C12orf42: variants seen among roughly 807,000 people sequenced by gnomAD.
C12orf42 encodes the protein chromosome 12 open reading frame 42.
In C12orf42, 25 loss-of-function variants were observed where a neutral mutation model predicts 21.6. The observed-to-expected ratio is 1.16, with a 90% confidence interval of 0.84 to 1.62. The LOEUF (loss-of-function observed/expected upper bound fraction) is 1.62, where lower values mean the gene tolerates loss of function less well. Among genes scored for constraint, C12orf42 ranks in the 40% most tolerant of loss-of-function variants. The pLI, the probability that C12orf42 is intolerant of heterozygous loss-of-function variation, is 0.00. For synonymous variants in C12orf42, 174 were observed against 175.0 expected (o/e 0.99, Z 0.05); for missense variants, 483 against 459.3 (o/e 1.05, Z -0.47).
intron 4 of C12orf42, among the ~76,000 whole-genome samples, chr12:103,332,956 C>T (rs2041371366): frequency 6.6e-6 from 1 of 152,148 alleles, no homozygotes; most frequent in African/African-American, 2.4e-5. Context: ...CTGTGTAACA[C>T]ATAAGTCGAA....
chr12:103,124,531 C>CACAGAGTGGGAACG, the C12orf42 span, among the ~76,000 whole-genome samples: 2 of 152,072 alleles, frequency 1.3e-5, no homozygotes, highest in African/African-American at 4.8e-5. Context: ...AGGGCCTGGT[C>CACAGAGTGGGAACG]ACAGAGTGGG....
the C12orf42 span, among the ~76,000 whole-genome samples, chr12:103,219,644 A>G: frequency 6.6e-6 from 1 of 152,258 alleles, no homozygotes; most frequent in Admixed American, 6.5e-5. Flanking sequence ...TATGTGGCCA[A>G]CAAACATATG....
At chr12:103,376,739 C>T (rs1167557109) in intron 3 of C12orf42, among the ~76,000 whole-genome samples, 2 of 152,106 alleles carry the variant, frequency 1.3e-5, no homozygotes, top group Admixed American at 1.3e-4. Flanking sequence ...ATTGAAATAA[C>T]ATTATAACAA....
chr12:103,526,239 A>T, the C12orf42 span, among the ~76,000 whole-genome samples: 11 of 152,362 alleles, frequency 7.2e-5, no homozygotes, highest in South Asian at 2.1e-3. Flanking sequence ...AAGAAATAAT[A>T]TAATCTTCAG....
chr12:103,429,912 G>A (rs935071980), intron 2 of C12orf42, among the ~76,000 whole-genome samples: 1 of 152,136 alleles, frequency 6.6e-6, no homozygotes, highest in African/African-American at 2.4e-5. Flanking sequence ...AAACCAGCTA[G>A]CCATATGCAG....
At chr12:103,406,312 T>C (rs1374377614) in intron 2 of C12orf42, among the ~76,000 whole-genome samples, 3 of 152,210 alleles carry the variant, frequency 2.0e-5, no homozygotes, top group Non-Finnish European at 4.4e-5. Context: ...AAGGTACTGA[T>C]CTACTGATCT....
At chr12:103,286,939 C>CAAAA in intron 4 of C12orf42, among the ~76,000 whole-genome samples, 1 of 134,262 alleles carries the variant, frequency 7.4e-6, no homozygotes, top group African/African-American at 2.6e-5. Flanking sequence ...GACTCCGTCT[C>CAAAA]AAAAAAAAAA....
the C12orf42 span, among the ~76,000 whole-genome samples, chr12:103,528,832 C>T: frequency 6.6e-6 from 1 of 152,188 alleles, no homozygotes; most frequent in Non-Finnish European, 1.5e-5. Flanking sequence ...ACACTGGATG[C>T]TTTCACAGAC....
the C12orf42 span, among the ~76,000 whole-genome samples, chr12:103,146,370 C>T: frequency 6.7e-6 from 1 of 149,798 alleles, no homozygotes; most frequent in African/African-American, 2.5e-5. Context: ...ATCCCAGCTA[C>T]TGGGGAGACT....
chr12:103,124,553 T>C, the C12orf42 span, among the ~76,000 whole-genome samples: 4 of 152,114 alleles, frequency 2.6e-5, no homozygotes, highest in African/African-American at 9.7e-5. Context: ...ACGAAGAAAC[T>C]AAAATTTATT....
chr12:103,332,202 C>T (rs2041296088), intron 4 of C12orf42, among the ~76,000 whole-genome samples: 1 of 152,170 alleles, frequency 6.6e-6, no homozygotes, highest in Admixed American at 6.5e-5. Context: ...ACTTGACACA[C>T]ACTAGCATGC....
intron 4 of C12orf42, among the ~76,000 whole-genome samples, chr12:103,322,114 C>CGT (rs2040214407): frequency 1.1e-5 from 1 of 93,170 alleles, no homozygotes; most frequent in Non-Finnish European, 2.0e-5. Flanking sequence ...CGCGTGCGTG[C>CGT]GCGCGCGCGC....
At chr12:103,175,208 G>C in the C12orf42 span, among the ~76,000 whole-genome samples, 1 of 151,994 alleles carries the variant, frequency 6.6e-6, no homozygotes, top group African/African-American at 2.4e-5. Context: ...TCTATAACCA[G>C]TTTTATTCAA....
chr12:103,294,910 T>C (rs754630398), intron 4 of C12orf42, among the ~76,000 whole-genome samples: 5 of 152,094 alleles, frequency 3.3e-5, no homozygotes, highest in African/African-American at 9.7e-5. Flanking sequence ...CTCTCCCTCC[T>C]CCCATCCTTC....
intron 2 of C12orf42, chr12:103,477,111 G>T (rs992187466): frequency 6.6e-6 from 1 of 152,186 alleles, no homozygotes; most frequent in African/African-American, 2.4e-5. Context: ...AGTAACACAG[G>T]GGAACAAAGC....
At chr12:103,531,048 G>A in the C12orf42 span, among the ~76,000 whole-genome samples, 1 of 152,058 alleles carries the variant, frequency 6.6e-6, no homozygotes, top group Non-Finnish European at 1.5e-5. Context: ...AATTCCAGGG[G>A]ACATATTTCT....
intron 2 of C12orf42, among the ~76,000 whole-genome samples, chr12:103,405,033 G>A (rs539767179): frequency 1.3e-5 from 2 of 152,278 alleles, no homozygotes; most frequent in South Asian, 4.1e-4. Flanking sequence ...TGTCACTGAC[G>A]ATTTTGTAAC....
chr12:103,057,859 T>A, the C12orf42 span, among the ~76,000 whole-genome samples: 7 of 152,110 alleles, frequency 4.6e-5, no homozygotes, highest in Admixed American at 1.3e-4. Flanking sequence ...ATTGCCAGCA[T>A]CCATTGTTTC....
chr12:103,390,371 C>T (rs2046971482), intron 3 of C12orf42, among the ~76,000 whole-genome samples: 2 of 152,158 alleles, frequency 1.3e-5, no homozygotes, highest in African/African-American at 4.8e-5. Flanking sequence ...CGTACATACA[C>T]AATGCTCAAT....
Sources: allele counts gnomAD v4.1 joint callset (sites outside exome capture counted in the v4.1 genomes callset), GRCh38; gene constraint gnomAD v4.1.1; transcripts MANE v1.5; gene names NCBI Gene and HGNC (gene_info 2026-07-23, HGNC 2026-07-21).